TFDP2: variants seen among roughly 807,000 people sequenced by gnomAD.
TFDP2 encodes transcription factor Dp-2 (E2F dimerization partner 2).
TFDP2 carries 17 observed loss-of-function variants against 59.3 expected under a neutral mutation model. The ratio of observed to expected loss-of-function variants is 0.29; its 90% CI spans 0.20 to 0.43. TFDP2 has a LOEUF of 0.43. Ranked by LOEUF, TFDP2 falls within the 20% of genes least tolerant of loss-of-function variation. The pLI is 1.00. For synonymous variants in TFDP2, 180 were observed against 194.7 expected (o/e 0.92, Z 0.63); for missense variants, 391 against 528.8 (o/e 0.74, Z 2.56).
chr3:141,946,799 G>C lies in TFDP2; in HGVS notation c.*5714C>G, dbSNP rs1458394120. On this transcript the variant is annotated 3_prime_UTR_variant, in exon 13 of 13. Transcript: ENST00000489671. Reference sequence around the variant, plus strand: ...AATCCCAGCACTTTGGGAGGCCGAGGCAGGCAGATCACATGGTTAGAAGTT... The same window carrying C: ...AATCCCAGCACTTTGGGAGGCCGAGCCAGGCAGATCACATGGTTAGAAGTT... 1 of 152,346 alleles carries C rather than the reference G, an allele frequency of 6.6e-6. No homozygotes were observed. The highest frequency in any genetic ancestry group is 2.1e-4 in the South Asian group (1 of 4,826). The allele number at this position is 152,346 out of a possible 1,614,324, so 9.4% of individuals were successfully genotyped here.
intron 3 of TFDP2, among the ~76,000 whole-genome samples, chr3:142,028,091 G>A (rs1946222308): frequency 6.6e-6 from 1 of 152,198 alleles, no homozygotes; most frequent in African/African-American, 2.4e-5. Context: ...TATTTTTCAA[G>A]TGTCAGGTTG....
intron 8 of TFDP2, among the ~76,000 whole-genome samples, chr3:141,972,175 ATGT>A (rs1280355093): frequency 1.3e-5 from 2 of 152,182 alleles, no homozygotes; most frequent in Non-Finnish European, 2.9e-5. Flanking sequence ...ATTTGAAAAG[ATGT>A]TGTAGGAGCA....
chr3:142,037,589 A>G (rs1199247337), intron 3 of TFDP2, among the ~76,000 whole-genome samples: 3 of 152,204 alleles, frequency 2.0e-5, no homozygotes, highest in African/African-American at 7.2e-5. Flanking sequence ...AAAGCAAATA[A>G]ATTGAAACTG....
At chr3:142,138,061 TG>T (rs1220806189) in intron 1 of TFDP2, among the ~76,000 whole-genome samples, 1 of 152,190 alleles carries the variant, frequency 6.6e-6, no homozygotes, top group African/African-American at 2.4e-5. Flanking sequence ...AGCCTGATAT[TG>T]GTCTATTCAG....
intron 1 of TFDP2, among the ~76,000 whole-genome samples, chr3:142,118,297 AAAAC>A (rs1483413063): frequency 6.6e-6 from 1 of 152,226 alleles, no homozygotes; most frequent in East Asian, 1.9e-4. Context: ...AAAATGATTA[AAAAC>A]AAACAAGCAG....
At chr3:142,040,820 C>CT (rs1398975694) in intron 3 of TFDP2, among the ~76,000 whole-genome samples, 2 of 152,100 alleles carry the variant, frequency 1.3e-5, no homozygotes, top group Non-Finnish European at 2.9e-5. Flanking sequence ...AGGAAAATCA[C>CT]TTGAGCCCAG....
At chr3:142,036,264 G>A (rs1946690915) in intron 3 of TFDP2, among the ~76,000 whole-genome samples, 1 of 152,140 alleles carries the variant, frequency 6.6e-6, no homozygotes, top group Non-Finnish European at 1.5e-5. Context: ...CCAGGTGCAT[G>A]ACTTATTTAC....
At chr3:142,081,602 A>G (rs567865884) in intron 3 of TFDP2, among the ~76,000 whole-genome samples, 2 of 152,314 alleles carry the variant, frequency 1.3e-5, no homozygotes, top group African/African-American at 4.8e-5. Flanking sequence ...TAAGAAAAAA[A>G]GAGAGAAGAC....
At chr3:142,101,056 A>G (rs1026368296) in intron 2 of TFDP2, among the ~76,000 whole-genome samples, 5 of 152,200 alleles carry the variant, frequency 3.3e-5, no homozygotes, top group African/African-American at 1.2e-4. Context: ...TTTAATACAT[A>G]TAACATTGGA....
At chr3:142,051,919 A>G (rs1947650200) in intron 3 of TFDP2, among the ~76,000 whole-genome samples, 1 of 152,066 alleles carries the variant, frequency 6.6e-6, no homozygotes, top group Admixed American at 6.6e-5. Flanking sequence ...TGAGCCCAAG[A>G]GTTCGAGACC....
chr3:142,034,327 G>A (rs551369798), intron 3 of TFDP2, among the ~76,000 whole-genome samples: 1 of 151,992 alleles, frequency 6.6e-6, no homozygotes, highest in Admixed American at 6.6e-5. Flanking sequence ...TAAAACTCCT[G>A]GCCTCAGGTG....
chr3:142,053,394 A>G (rs1047972691), intron 3 of TFDP2, among the ~76,000 whole-genome samples: 1 of 151,984 alleles, frequency 6.6e-6, no homozygotes, highest in African/African-American at 2.4e-5. Context: ...TTGCCACGTG[A>G]CTTGCTGACT....
At chr3:142,106,217 A>G (rs1336775537) in intron 1 of TFDP2, among the ~76,000 whole-genome samples, 1 of 152,226 alleles carries the variant, frequency 6.6e-6, no homozygotes, top group East Asian at 1.9e-4. Flanking sequence ...GCATGGCACT[A>G]TCTCAGGCAA....
At position 142,111,587 on chromosome 3, in the gene TFDP2, G is replaced by C. The variant is rs114357659; in HGVS notation, c.-92-9746C>G. On this transcript the variant is annotated intron_variant, in intron 1 of 12. Coordinates refer to ENST00000489671, the MANE Select transcript of TFDP2 (RefSeq NM_001178139.2). ...AAACTGAGTAAACCACTGGCAAAGA[G>C]AGAGGGATATATTCTACTCAAAGAA... Among the ~76,000 whole-genome samples the C allele has an allele frequency of 4.1e-3, 631 of 152,108 alleles. 2 individuals carry two copies. Among genetic ancestry groups the C allele is most frequent in the Non-Finnish European group, 6.8e-3 (460 of 67,996 alleles).
intron 1 of TFDP2, among the ~76,000 whole-genome samples, chr3:142,114,305 C>A (rs2061773024): frequency 6.6e-6 from 1 of 151,988 alleles, no homozygotes; most frequent in African/African-American, 2.4e-5. Context: ...TCCATCATAT[C>A]ATAAAAAGAC....
intron 4 of TFDP2, chr3:142,000,209 A>C: frequency 1.4e-6 from 1 of 698,024 alleles, no homozygotes; most frequent in South Asian, 1.5e-5. Flanking sequence ...TGCAAGGAGT[A>C]CAAAACTGGG....
chr3:142,092,079 T>G (rs1389189306), intron 3 of TFDP2, among the ~76,000 whole-genome samples: 1 of 152,172 alleles, frequency 6.6e-6, no homozygotes, highest in Non-Finnish European at 1.5e-5. Flanking sequence ...AAAGGAATAA[T>G]GAAACCCCAC....
At chr3:142,115,797 A>G (rs2061835965) in intron 1 of TFDP2, among the ~76,000 whole-genome samples, 1 of 152,208 alleles carries the variant, frequency 6.6e-6, no homozygotes, top group African/African-American at 2.4e-5. Flanking sequence ...TCTTGCAGTA[A>G]CAGAACAGTT....
intron 2 of TFDP2, among the ~76,000 whole-genome samples, chr3:142,097,141 A>G (rs2061187114): frequency 6.6e-6 from 1 of 152,224 alleles, no homozygotes; most frequent in African/African-American, 2.4e-5. Flanking sequence ...GCAAAGATTT[A>G]TAAACATATA....
Sources: allele counts gnomAD v4.1 joint callset (sites outside exome capture counted in the v4.1 genomes callset), GRCh38; gene constraint gnomAD v4.1.1; transcripts MANE v1.5; gene names NCBI Gene and HGNC (gene_info 2026-07-23, HGNC 2026-07-21).